Variants in PPP1R15B observed in about 807,000 individuals in gnomAD.
PPP1R15B encodes protein phosphatase 1 regulatory subunit 15B.
PPP1R15B carries 31 observed loss-of-function variants against 53.9 expected under a neutral mutation model. The observed-to-expected ratio is 0.58, with a 90% CI of 0.43 to 0.78. The LOEUF (loss-of-function observed/expected upper bound fraction) is 0.78. Ranked by LOEUF, PPP1R15B falls within the 30% of genes least tolerant of loss-of-function variation. The pLI is 0.00. For missense variants in PPP1R15B, 928 were observed against 849.6 expected (o/e 1.09, Z -1.15); for synonymous variants, 345 against 329.1 (o/e 1.05, Z -0.52).
chr1:204,410,680 A>G lies in PPP1R15B; in HGVS notation c.732T>C (p.Asn244=), dbSNP rs1300819857. The G allele has an allele frequency of 6.2e-7, 1 of 1,613,922 alleles. No homozygotes were observed. Among genetic ancestry groups the G allele is most frequent in the Non-Finnish European group, 8.5e-7 (1 of 1,179,962 alleles). ...LEVSYQNSDG[N]SEVVGFQTLT... ...GTGTCTGGAAGCCGACTACCTCGCT[A>G]TTTCCATCACTGTTCTGATAGCTGA... The change falls in exon 1 of 2, where the codon AAT becomes AAC. Residue 244 remains asparagine (N), a synonymous_variant. Coordinates refer to ENST00000367188, the MANE Select transcript of PPP1R15B (RefSeq NM_032833.5).
downstream of PPP1R15B, among the ~76,000 whole-genome samples, chr1:204,396,019 TA>T (rs2103436752): frequency 6.6e-6 from 1 of 152,212 alleles, no homozygotes; most frequent in East Asian, 1.9e-4. Context: ...GTGGTATAAT[TA>T]TACAATGAAA....
Position 204,411,147 on chromosome 1 carries a change from C to G in PPP1R15B, c.265G>C (p.Gly89Arg). The G allele has an allele frequency of 6.2e-7, 1 of 1,614,200 alleles. No individual in the cohort carries two copies. Among genetic ancestry groups the G allele is most frequent in the Non-Finnish European group, 8.5e-7 (1 of 1,180,044 alleles). ...AGCCATCTGGTCGGAAACATTCCAC[C>G]GAAAAGTTGGCTCCAAATTAGCACC... ...QKVLIWSQLF[G>R]GMFPTRWLDF... Residue 89 changes from glycine to arginine, a missense_variant, in exon 1 of 2, where the codon GGT (glycine) becomes CGT (arginine). Coordinates refer to ENST00000367188, the MANE Select transcript of PPP1R15B (RefSeq NM_032833.5).
intron 1 of PPP1R15B, among the ~76,000 whole-genome samples, chr1:204,408,639 G>C (rs947530018): frequency 6.6e-6 from 1 of 152,166 alleles, no homozygotes; most frequent in African/African-American, 2.4e-5. Context: ...GTTTGGAGAA[G>C]AGTTCAATTA....
chr1:204,405,991 TAAA>T lies in PPP1R15B; in HGVS notation c.*98_*100del. The T allele has an allele frequency of 8.9e-7, 1 of 1,126,504 alleles. No individual in the cohort carries two copies. The highest frequency in any genetic ancestry group is 1.2e-6 in the Non-Finnish European group (1 of 840,844). 69.8% of individuals were successfully genotyped at this position (1,126,504 alleles called of 1,614,324 possible). A position where few individuals can be genotyped will look rare whatever the true frequency, so the allele number is the denominator to read the frequency against. On this transcript the variant is annotated 3_prime_UTR_variant, in exon 2 of 2. Coordinates refer to ENST00000367188, the MANE Select transcript of PPP1R15B (RefSeq NM_032833.5). ...AACTAGATCCAAGTTACATTTCCTC[TAAA>T]AAAAAAAATGTCAAAGGACAGCTGC...
Position 204,409,828 on chromosome 1 carries a change from G to C in PPP1R15B, c.1584C>G (p.Ser528Arg). 6.2e-7 allele frequency: 1 copy of C among 1,614,180 alleles called. No homozygotes were observed. ...SDLENSSQSGSLPETPEHSSG... is the reference protein window; with the variant it reads ...SDLENSSQSGRLPETPEHSSG... ...AACTATGCTCAGGGGTCTCAGGAAG[G>C]CTTCCAGACTGGGAGGAATTCTCTA... is the stretch of plus-strand genomic sequence containing the variant. The change falls in exon 1 of 2, where the codon AGC becomes AGG. Residue 528 changes from serine (S) to arginine (R), a missense_variant. Coordinates refer to ENST00000367188, the MANE Select transcript of PPP1R15B (RefSeq NM_032833.5).
downstream of PPP1R15B, among the ~76,000 whole-genome samples, chr1:204,399,836 T>C (rs1244837476): frequency 6.6e-6 from 1 of 152,194 alleles, no homozygotes; most frequent in East Asian, 1.9e-4. Context: ...AAAGAGGAAC[T>C]AGTCTTTCAT....
chr1:204,396,836 G>A (rs1367978178), downstream of PPP1R15B, among the ~76,000 whole-genome samples: 1 of 152,194 alleles, frequency 6.6e-6, no homozygotes, highest in Non-Finnish European at 1.5e-5. Context: ...TTTCAGTGAG[G>A]AGGAATAAGT....
At chr1:204,406,695 T>C (rs905816079) in intron 1 of PPP1R15B, among the ~76,000 whole-genome samples, 3 of 151,330 alleles carry the variant, frequency 2.0e-5, no homozygotes, top group African/African-American at 7.3e-5. Context: ...GAGGTTGCAG[T>C]GAGCCAATAT....
Position 204,409,057 on chromosome 1 carries a change from C to CA in PPP1R15B, c.1920+434dup, listed in dbSNP as rs1330127345. 5.3e-5 allele frequency among the ~76,000 whole-genome samples: 8 copies of CA among 151,670 alleles called. No individual in the cohort carries two copies. In the East Asian group the frequency reaches 5.8e-4, roughly 11 times the overall value. On this transcript the variant is annotated intron_variant, in intron 1 of 1. Coordinates refer to ENST00000367188, the MANE Select transcript of PPP1R15B (RefSeq NM_032833.5). ...GGAATGAAGACACTCTTGTTATATG[C>CA]AAAAAAAATATTAAGTATTTGCAGA...
In PPP1R15B at chr1:204,410,511, G is replaced by T; in HGVS notation, c.901C>A (p.Leu301Met). The change falls in exon 1 of 2, where the codon CTG (leucine) becomes ATG (methionine). Residue 301 changes from leucine to methionine, a missense_variant. By Grantham distance (15) the Leu-to-Met change is conservative. Transcript: ENST00000367188. ...PEIHHLRMKRLEFLQQASKGQ... is the reference protein window; with the variant it reads ...PEIHHLRMKRMEFLQQASKGQ... The stretch of plus-strand genomic sequence containing the variant: ...TTGCTAGCCTGTTGAAGGAATTCCA[G>T]CCGTTTCATGCGAAGATGGTGAATT... 6.2e-7 allele frequency: 1 copy of T among 1,614,168 alleles called. No homozygotes were observed. Among genetic ancestry groups the T allele is most frequent in the Non-Finnish European group, 8.5e-7 (1 of 1,180,022 alleles).
At chr1:204,409,379 G>C (rs749761265) in intron 1 of PPP1R15B, 113 bp downstream of exon 1, 1 of 1,175,234 alleles carries the variant, frequency 8.5e-7, no homozygotes, top group Non-Finnish European at 1.2e-6. Flanking sequence ...TATGAATTTA[G>C]AGGCCTTCCT....
chr1:204,410,466 G>T lies in PPP1R15B; in HGVS notation c.946C>A (p.Pro316Thr). 1 of 1,614,230 alleles carries T rather than the reference G, an allele frequency of 6.2e-7. No individual in the cohort carries two copies. The highest frequency in any genetic ancestry group is 2.2e-5 in the East Asian group (1 of 44,888). The stretch of plus-strand genomic sequence containing the variant: ...CTGTGGTAGCCATTATCCTGGTCAG[G>T]GGTGGGTAAATCTTGCCCCTTGCTA... ...QASKGQDLPTPDQDNGYHSLE... is the reference protein window; with the variant it reads ...QASKGQDLPTTDQDNGYHSLE... Residue 316 changes from proline to threonine, a missense_variant, in exon 1 of 2, where the codon CCT becomes ACT. Pro to Thr is a conservative substitution (Grantham distance 38, BLOSUM62 -1). Coordinates refer to ENST00000367188, the MANE Select transcript of PPP1R15B (RefSeq NM_032833.5).
At chr1:204,406,344 G>A in intron 1 of PPP1R15B, 31 bp from the exon 2 acceptor site, 2 of 1,608,806 alleles carry the variant, frequency 1.2e-6, no homozygotes, top group Non-Finnish European at 1.7e-6. Flanking sequence ...TTTAATAACT[G>A]TCTAGGATCT....
downstream of PPP1R15B, among the ~76,000 whole-genome samples, chr1:204,400,513 A>G (rs2103439622): frequency 1.4e-5 from 2 of 147,186 alleles, no homozygotes; most frequent in South Asian, 2.1e-4. Context: ...TTTTTTGTAG[A>G]GATGGTTTTG....
chr1:204,409,607 T>G lies in PPP1R15B; in HGVS notation c.1805A>C (p.His602Pro). ...SESIVAISEC[H>P]TLLSCKVQLL... ...CTGCACCTTACAAGAAAGTAAGGTG[T>G]GACACTCAGAAATGGCCACAATGGA... Residue 602 changes from histidine (H) to proline (P), a missense_variant, in exon 1 of 2, where the codon CAC (histidine) becomes CCC (proline). Physicochemically the swap from His to Pro is moderately conservative, Grantham distance 77 (BLOSUM62 -2). Coordinates refer to ENST00000367188, the MANE Select transcript of PPP1R15B (RefSeq NM_032833.5). 1 of 1,614,124 alleles carries G rather than the reference T, an allele frequency of 6.2e-7. No individual in the cohort carries two copies. Among genetic ancestry groups the G allele is most frequent in the Non-Finnish European group, 8.5e-7 (1 of 1,180,020 alleles).
downstream of PPP1R15B, chr1:204,400,680 T>G: frequency 2.4e-6 from 2 of 846,004 alleles, no homozygotes; most frequent in Non-Finnish European, 2.8e-6. Context: ...AAATGTGCAG[T>G]GAGCTCTGTA....
Position 204,411,082 on chromosome 1 carries a change from C to T in PPP1R15B, c.330G>A (p.Lys110=), listed in dbSNP as rs1231259148. 1.5e-5 allele frequency: 24 copies of T among 1,614,102 alleles called. No homozygotes were observed. The Admixed American group carries it at 1.5e-4, about 10-fold the overall frequency. ...AGVYSALRAL[K]GREKPAAPTA... is the part of the protein sequence containing the mutation. ...TGGGGGCGGCTGGTTTCTCCCGTCCCTTCAGGGCTCTCAGGGCGCTGTAGA... is the reference window on the plus strand; with the variant it reads ...TGGGGGCGGCTGGTTTCTCCCGTCCTTTCAGGGCTCTCAGGGCGCTGTAGA... The change falls in exon 1 of 2, where the codon AAG becomes AAA. Residue 110 remains lysine, a synonymous_variant. Coordinates refer to ENST00000367188, the MANE Select transcript of PPP1R15B (RefSeq NM_032833.5).
In PPP1R15B at chr1:204,406,280, T is replaced by C. The variant is rs1438215111; in HGVS notation, c.1954A>G (p.Ile652Val). 13 of 1,614,042 alleles carry C rather than the reference T, an allele frequency of 8.1e-6. No homozygotes were observed. In the South Asian group the frequency reaches 1.1e-4, roughly 14 times the overall value. ...CCTTTGCGATCCTCATCACCACTTA[T>C]ATAATACTCAGTAACTTCTTCAAGG... ...TFLEEVTEYY[I>V]SGDEDRKGPW... Residue 652 changes from isoleucine (I) to valine (V), a missense_variant, in exon 2 of 2, where the codon ATA becomes GTA. Ile to Val is a conservative substitution (Grantham distance 29). Coordinates refer to ENST00000367188, the MANE Select transcript of PPP1R15B (RefSeq NM_032833.5).
downstream of PPP1R15B, among the ~76,000 whole-genome samples, chr1:204,402,135 AACCCGGGGATGTC>A (rs757825034): frequency 6.6e-6 from 1 of 152,212 alleles, no homozygotes; most frequent in Non-Finnish European, 1.5e-5. Context: ...ATAAAATTAT[AACCCGGGGATGTC>A]AACTCAGTTT....
Sources: allele counts gnomAD v4.1 joint callset (sites outside exome capture counted in the v4.1 genomes callset), GRCh38; gene constraint gnomAD v4.1.1; transcripts MANE v1.5; gene names NCBI Gene and HGNC (gene_info 2026-07-23, HGNC 2026-07-21).